ZNF407: variants seen among roughly 807,000 people sequenced by gnomAD.
ZNF407 encodes zinc finger protein 407.
A neutral mutation model predicts 131.2 loss-of-function variants in ZNF407; 17 were observed. That is an observed-to-expected ratio of 0.13 (90% CI 0.09 to 0.19). The LOEUF is 0.19. Ranked by LOEUF, ZNF407 falls within the 10% of genes least tolerant of loss-of-function variation. The pLI, the probability that ZNF407 is intolerant of heterozygous loss-of-function variation, is 1.00. For missense variants in ZNF407, 2,681 were observed against 2,830.6 expected (o/e 0.95, Z 1.20); for synonymous variants, 1,156 against 1,062.0 (o/e 1.09, Z -1.72).
chr18:75,011,926 G>A (rs1459260205), intron 8 of ZNF407, among the ~76,000 whole-genome samples: 1 of 151,942 alleles, frequency 6.6e-6, no homozygotes, highest in African/African-American at 2.4e-5. Context: ...TTTTTTAATA[G>A]CCTAGTAAAA....
At chr18:75,000,780 C>T (rs1972836089) in intron 8 of ZNF407, among the ~76,000 whole-genome samples, 1 of 152,080 alleles carries the variant, frequency 6.6e-6, no homozygotes. Context: ...TGTGCTCAAC[C>T]TTATACTAAG....
intron 4 of ZNF407, among the ~76,000 whole-genome samples, chr18:74,828,024 G>A (rs912102656): frequency 6.6e-6 from 1 of 152,062 alleles, no homozygotes; most frequent in Non-Finnish European, 1.5e-5. Flanking sequence ...GGTCTGCCTC[G>A]CTACTCAGGT....
Position 74,734,339 on chromosome 18 carries a change from C to T in ZNF407, c.4803-47089C>T, listed in dbSNP as rs572621898. Among the ~76,000 whole-genome samples the T allele has an allele frequency of 3.2e-4, 49 of 152,304 alleles. 2 individuals are homozygous for T. The South Asian group carries it at 0.01, about 32-fold the overall frequency. On this transcript the variant is annotated intron_variant, in intron 3 of 8. Coordinates refer to ENST00000299687, the MANE Select transcript of ZNF407 (RefSeq NM_017757.3). ...GCACTTGAAAAGGTAGACCTTGTAC[C>T]TCAATCGGCTCACGAATACTGTTGG...
intron 4 of ZNF407, among the ~76,000 whole-genome samples, chr18:74,835,456 G>A (rs1970542223): frequency 6.6e-6 from 1 of 152,146 alleles, no homozygotes; most frequent in African/African-American, 2.4e-5. Context: ...GTAATGTGTG[G>A]CTGCTATAAT....
chr18:74,881,485 T>C (rs1971237559), intron 6 of ZNF407, among the ~76,000 whole-genome samples: 1 of 152,058 alleles, frequency 6.6e-6, no homozygotes, highest in South Asian at 2.1e-4. Context: ...AGTCTCCCTC[T>C]CAGTCATTCT....
chr18:74,942,942 A>T (rs1272579768), intron 8 of ZNF407, among the ~76,000 whole-genome samples: 2 of 148,582 alleles, frequency 1.3e-5, no homozygotes, highest in Non-Finnish European at 3.0e-5. Flanking sequence ...TTGAGATGGG[A>T]GTCTCACTCT....
At chr18:74,971,185 C>T (rs1233255223) in intron 8 of ZNF407, among the ~76,000 whole-genome samples, 2 of 152,240 alleles carry the variant, frequency 1.3e-5, no homozygotes, top group Admixed American at 6.5e-5. Flanking sequence ...GCCTCTGGAC[C>T]TCCAGGCCTG....
intron 3 of ZNF407, among the ~76,000 whole-genome samples, chr18:74,647,345 G>A (rs1001431983): frequency 2.0e-5 from 3 of 152,116 alleles, no homozygotes; most frequent in African/African-American, 7.2e-5. Flanking sequence ...TTGAGGGGCT[G>A]CAGAGGGAAG....
chr18:74,616,551 G>T (rs983954879), intron 1 of ZNF407, among the ~76,000 whole-genome samples: 1 of 151,492 alleles, frequency 6.6e-6, no homozygotes, highest in African/African-American at 2.4e-5. Context: ...CCCTGTACCC[G>T]CATTCTGATT....
intron 3 of ZNF407, among the ~76,000 whole-genome samples, chr18:74,772,047 G>A (rs867139943): frequency 3.3e-5 from 5 of 152,116 alleles, no homozygotes; most frequent in African/African-American, 1.2e-4. Flanking sequence ...ATGGAGTGGT[G>A]GAGAGACTTC....
intron 4 of ZNF407, among the ~76,000 whole-genome samples, chr18:74,837,252 C>A (rs1392408996): frequency 2.0e-5 from 3 of 152,076 alleles, no homozygotes; most frequent in Admixed American, 6.6e-5. Flanking sequence ...GTATATCCCC[C>A]TTTTGTTCGC....
At chr18:74,855,388 AAC>A (rs150682172) in intron 4 of ZNF407, among the ~76,000 whole-genome samples, 2,355 of 152,320 alleles carry the variant, frequency 0.015, 59 homozygotes, top group African/African-American at 0.053. Context: ...AAAATTGTTT[AAC>A]AGTCGTTGGA....
chr18:74,756,062 T>G (rs1397375695), intron 3 of ZNF407, among the ~76,000 whole-genome samples: 1 of 150,814 alleles, frequency 6.6e-6, no homozygotes, highest in Non-Finnish European at 1.5e-5. Context: ...CCCGGCTGAT[T>G]TTTGTATTTT....
chr18:74,681,964 A>T (rs1966993675), intron 3 of ZNF407, among the ~76,000 whole-genome samples: 1 of 152,210 alleles, frequency 6.6e-6, no homozygotes, highest in Admixed American at 6.5e-5. Context: ...CTTATGATAG[A>T]ACCGTGTATA....
At chr18:75,054,998 G>T (rs1487206524) in intron 8 of ZNF407, among the ~76,000 whole-genome samples, 1 of 152,196 alleles carries the variant, frequency 6.6e-6, no homozygotes. Context: ...TGGAAGGAGA[G>T]GCCAGGGTGT....
chr18:74,879,199 T>G (rs747482103), intron 5 of ZNF407, among the ~76,000 whole-genome samples: 2 of 152,228 alleles, frequency 1.3e-5, no homozygotes, highest in Non-Finnish European at 2.9e-5. Context: ...TGTTCATGTT[T>G]CTATTTTACA....
chr18:74,795,050 CAG>C lies in ZNF407; in HGVS notation c.4877+13550_4877+13551del, dbSNP rs557182652. On this transcript the variant is annotated intron_variant, in intron 4 of 8. Coordinates refer to ENST00000299687, the MANE Select transcript of ZNF407 (RefSeq NM_017757.3). ...CTAATGATGAAATTTTCAGAAGTTACAGACTTTTCCTTTTTTTTCTTTCGATT... is the reference window on the plus strand; with the variant it reads ...CTAATGATGAAATTTTCAGAAGTTACACTTTTCCTTTTTTTTCTTTCGATT... Among the ~76,000 whole-genome samples, 807 of 152,182 alleles carry C rather than the reference CAG, an allele frequency of 5.3e-3. 2 individuals carry two copies. Among genetic ancestry groups the C allele is most frequent in the Non-Finnish European group, 8.1e-3 (549 of 67,978 alleles).
At chr18:75,046,682 G>A (rs1196166297) in intron 8 of ZNF407, among the ~76,000 whole-genome samples, 1 of 151,822 alleles carries the variant, frequency 6.6e-6, no homozygotes, top group Non-Finnish European at 1.5e-5. Flanking sequence ...TCCCTGGAGC[G>A]GCTGTGCAGA....
Position 75,064,234 on chromosome 18 carries a change from C to G in ZNF407, c.6513C>G (p.Ile2171Met). ...TCTCCGAGGGCACCACGCACTACAT[C>G]CTGACAGAGCTGCCCCCAGGGGTGC... is the stretch of plus-strand genomic sequence containing the variant. Reference protein sequence around the residue: ...GGFSEGTTHYILTELPPGVQD... With the variant: ...GGFSEGTTHYMLTELPPGVQD... Residue 2171 changes from isoleucine (I) to methionine (M), a missense_variant, in exon 9 of 9, where the codon ATC (isoleucine) becomes ATG (methionine). Ile to Met is a conservative substitution (Grantham distance 10). Transcript: ENST00000299687. 1 of 1,607,386 alleles carries G rather than the reference C, an allele frequency of 6.2e-7. No individual in the cohort carries two copies. The highest frequency in any genetic ancestry group is 8.5e-7 in the Non-Finnish European group (1 of 1,178,408).
Sources: allele counts gnomAD v4.1 joint callset (sites outside exome capture counted in the v4.1 genomes callset), GRCh38; gene constraint gnomAD v4.1.1; transcripts MANE v1.5; gene names NCBI Gene and HGNC (gene_info 2026-07-23, HGNC 2026-07-21).